FGGY: variants seen among roughly 807,000 people sequenced by gnomAD.
The protein encoded by FGGY is FGGY carbohydrate kinase domain containing.
A neutral mutation model predicts 71.3 loss-of-function variants in FGGY; 72 were observed. The observed-to-expected ratio is 1.01, with a 90% CI of 0.84 to 1.23. The LOEUF (loss-of-function observed/expected upper bound fraction) is 1.23. FGGY is among the 50% of genes most tolerant of loss of function. The probability of loss-of-function intolerance (pLI) is 0.00; values close to 1 mark genes in which losing one functional copy is unlikely to be tolerated. For synonymous variants in FGGY, 251 were observed against 250.3 expected, an observed-to-expected ratio of 1.00 and a Z score of -0.02; for missense variants, 668 against 682.3, an observed-to-expected ratio of 0.98 and a Z score of 0.23.
intron 8 of FGGY, among the ~76,000 whole-genome samples, 155 bp from the exon 9 acceptor site, chr1:59,607,648 G>A (rs931628557): frequency 5.3e-5 from 8 of 152,164 alleles, no homozygotes; most frequent in Admixed American, 5.2e-4. Context: ...TCTAAAAAAA[G>A]GAGCCATGGC....
intron 14 of FGGY, among the ~76,000 whole-genome samples, chr1:59,714,020 A>G (rs1236223425): frequency 6.6e-6 from 1 of 152,230 alleles, no homozygotes; most frequent in Non-Finnish European, 1.5e-5. Flanking sequence ...AATGACAATC[A>G]TTTCTCCAAA....
Position 59,433,668 on chromosome 1 carries a change from CTT to C in FGGY, c.555-23290_555-23289del, listed in dbSNP as rs1473726625. Reference sequence around the variant, plus strand: ...CTGCATTCTGTTTCCTGATTTCTCTCTTTTATTTCCAGATGTGTCACTGGTGA... The same window carrying C: ...CTGCATTCTGTTTCCTGATTTCTCTCTTATTTCCAGATGTGTCACTGGTGA... On this transcript the variant is annotated intron_variant, in intron 5 of 15. Coordinates refer to ENST00000303721, the MANE Select transcript of FGGY (RefSeq NM_018291.5). Among the ~76,000 whole-genome samples the C allele has an allele frequency of 5.3e-5, 8 of 152,294 alleles. No individual in the cohort carries two copies. The East Asian group carries it at 1.5e-3, about 29-fold the overall frequency.
chr1:59,635,394 TCTCA>T (rs1231648783), intron 10 of FGGY, among the ~76,000 whole-genome samples: 1 of 152,088 alleles, frequency 6.6e-6, no homozygotes, highest in African/African-American at 2.4e-5. Context: ...GCTAAATGAA[TCTCA>T]CTGTTTGCAA....
intron 14 of FGGY, among the ~76,000 whole-genome samples, chr1:59,734,897 C>G (rs930749864): frequency 1.3e-5 from 2 of 152,226 alleles, no homozygotes; most frequent in African/African-American, 4.8e-5. Flanking sequence ...TCCTTTTATG[C>G]TCTGTCCTTG....
intron 4 of FGGY, among the ~76,000 whole-genome samples, chr1:59,375,511 C>G (rs147802490): frequency 2.0e-5 from 3 of 152,300 alleles, no homozygotes; most frequent in Admixed American, 6.5e-5. Context: ...CATGTTATTT[C>G]TAGTTGCTCA....
intron 2 of FGGY, among the ~76,000 whole-genome samples, chr1:59,336,846 G>C (rs2049647362): frequency 6.6e-6 from 1 of 151,948 alleles, no homozygotes; most frequent in Non-Finnish European, 1.5e-5. Context: ...TTACGAGTGT[G>C]ACATATTTCT....
intron 6 of FGGY, among the ~76,000 whole-genome samples, chr1:59,492,455 T>A (rs191145745): frequency 6.6e-6 from 1 of 152,256 alleles, no homozygotes; most frequent in African/African-American, 2.4e-5. Context: ...TATTTTTGGA[T>A]TTTTTTCTAT....
chr1:59,581,867 C>A (rs912490488), intron 8 of FGGY, among the ~76,000 whole-genome samples: 6 of 149,864 alleles, frequency 4.0e-5, no homozygotes, highest in Non-Finnish European at 8.8e-5. Context: ...TTTATTAGAG[C>A]TTAAGTGATC....
intron 14 of FGGY, among the ~76,000 whole-genome samples, chr1:59,693,840 C>CT (rs1027632072): frequency 1.1e-4 from 16 of 151,798 alleles, no homozygotes; most frequent in African/African-American, 3.9e-4. Context: ...AAACCTGTCA[C>CT]TACAAAAAAT....
intron 4 of FGGY, among the ~76,000 whole-genome samples, chr1:59,368,281 T>A (rs2056917063): frequency 6.6e-6 from 1 of 152,216 alleles, no homozygotes; most frequent in Non-Finnish European, 1.5e-5. Context: ...GAAATGTGCT[T>A]AGAAGGGCTT....
At chr1:59,470,587 G>A (rs1049516253) in intron 6 of FGGY, among the ~76,000 whole-genome samples, 14 of 152,162 alleles carry the variant, frequency 9.2e-5, no homozygotes, top group African/African-American at 3.4e-4. Flanking sequence ...CAGGAAATGG[G>A]AGCATTCACA....
chr1:59,646,481 T>C (rs558644726), intron 11 of FGGY, among the ~76,000 whole-genome samples: 3 of 150,400 alleles, frequency 2.0e-5, no homozygotes, highest in Non-Finnish European at 4.4e-5. Flanking sequence ...ATATATGTTT[T>C]ACTGAAAATA....
intron 5 of FGGY, among the ~76,000 whole-genome samples, chr1:59,455,408 G>A (rs1016120328): frequency 6.6e-5 from 10 of 152,252 alleles, no homozygotes; most frequent in Middle Eastern, 6.8e-3. Flanking sequence ...GGAAATCAAG[G>A]CTCACTATAG....
intron 14 of FGGY, among the ~76,000 whole-genome samples, chr1:59,742,761 G>C (rs1298451726): frequency 6.6e-6 from 1 of 152,206 alleles, no homozygotes; most frequent in East Asian, 1.9e-4. Context: ...AGGACATTCT[G>C]AGCCCACTCT....
chr1:59,602,865 G>T, intron 8 of FGGY, among the ~76,000 whole-genome samples: 1 of 151,978 alleles, frequency 6.6e-6, no homozygotes, highest in East Asian at 1.9e-4. Context: ...ATTTCTACCT[G>T]GCTGCCCTGT....
In FGGY at chr1:59,494,706, A is replaced by C. The variant is rs147155653; in HGVS notation, c.671-17605A>C. ...ATATGTAATACTGTTGCCCACAAGG[A>C]AATTATGGTCTGGTGAGGAAGAAAG... On this transcript the variant is annotated intron_variant, in intron 6 of 15. Coordinates refer to ENST00000303721, the MANE Select transcript of FGGY (RefSeq NM_018291.5). 1.2e-3 allele frequency among the ~76,000 whole-genome samples: 185 copies of C among 152,274 alleles called. 1 individual carries two copies. The highest frequency in any genetic ancestry group is 4.3e-3 in the African/African-American group (180 of 41,550).
chr1:59,445,702 C>T (rs1003435118), intron 5 of FGGY, among the ~76,000 whole-genome samples: 2 of 152,170 alleles, frequency 1.3e-5, no homozygotes, highest in Non-Finnish European at 2.9e-5. Flanking sequence ...TTCTTGACCT[C>T]TTCCATCTGT....
chr1:59,581,661 C>T (rs764864847), intron 8 of FGGY, among the ~76,000 whole-genome samples: 2 of 149,938 alleles, frequency 1.3e-5, no homozygotes, highest in Non-Finnish European at 2.9e-5. Context: ...AGTCAGTGGA[C>T]ATTTGTTGAA....
chr1:59,467,242 A>C (rs1011208878), intron 6 of FGGY, among the ~76,000 whole-genome samples: 1 of 152,154 alleles, frequency 6.6e-6, no homozygotes, highest in African/African-American at 2.4e-5. Flanking sequence ...TGAGCAAACT[A>C]TCACAAGGAC....
Sources: allele counts gnomAD v4.1 joint callset (sites outside exome capture counted in the v4.1 genomes callset), GRCh38; gene constraint gnomAD v4.1.1; transcripts MANE v1.5; gene names NCBI Gene and HGNC (gene_info 2026-07-23, HGNC 2026-07-21).